The following ADAM23 variants were observed in gnomAD, a reference collection of about 807,000 sequenced individuals.
ADAM23 encodes ADAM metallopeptidase domain 23.
In ADAM23, 33 loss-of-function variants were observed where a neutral mutation model predicts 120.1. The observed-to-expected ratio is 0.27, with a 90% CI of 0.21 to 0.37. The LOEUF (loss-of-function observed/expected upper bound fraction) is 0.37, where lower values mean the gene tolerates loss of function less well. ADAM23 is among the 10% of genes least tolerant of loss of function. The pLI, the probability that ADAM23 is intolerant of heterozygous loss-of-function variation, is 1.00. For missense variants in ADAM23, 862 were observed against 1,058.2 expected (o/e 0.81, Z 2.57); for synonymous variants, 367 against 375.2 (o/e 0.98, Z 0.25).
At position 206,500,215 on chromosome 2, in the gene ADAM23, G is replaced by C. The variant is rs545397630; in HGVS notation, c.509+18907G>C. 1.6e-4 allele frequency among the ~76,000 whole-genome samples: 24 copies of C among 151,762 alleles called. No individual in the cohort carries two copies. The South Asian group carries it at 4.6e-3, about 29-fold the overall frequency. ...TGATCTCGTACTCATTGTTGCATTA[G>C]ATCTATTGTCATGGTAGCCACACCA... On this transcript the variant is annotated intron_variant, in intron 3 of 25. Transcript: ENST00000264377.
chr2:206,593,165 A>G (rs1698459005), intron 22 of ADAM23, among the ~76,000 whole-genome samples: 2 of 152,306 alleles, frequency 1.3e-5, no homozygotes, highest in South Asian at 2.1e-4. Flanking sequence ...ATACCTAATC[A>G]TATATAGAAA....
At chr2:206,584,721 C>T (rs1243268249) in intron 18 of ADAM23, among the ~76,000 whole-genome samples, 1 of 152,190 alleles carries the variant, frequency 6.6e-6, no homozygotes, top group Non-Finnish European at 1.5e-5. Flanking sequence ...AGTCTGCACA[C>T]CCGATTGGTG....
intron 2 of ADAM23, among the ~76,000 whole-genome samples, chr2:206,468,233 G>A (rs770860951): frequency 3.3e-4 from 50 of 152,030 alleles, no homozygotes; most frequent in African/African-American, 1.1e-3. Flanking sequence ...TGGGCTTTTC[G>A]TTTTTCACCA....
intron 3 of ADAM23, among the ~76,000 whole-genome samples, chr2:206,497,892 T>C (rs1373775008): frequency 5.9e-5 from 9 of 152,076 alleles, no homozygotes. Context: ...ATGAGTGAAC[T>C]CCCATTCACA....
intron 1 of ADAM23, among the ~76,000 whole-genome samples, chr2:206,444,812 T>C (rs1000596442): frequency 1.3e-5 from 2 of 152,088 alleles, no homozygotes; most frequent in Middle Eastern, 6.3e-3. Flanking sequence ...GTTAAAAGAG[T>C]CGATTAATAT....
intron 23 of ADAM23, 124 bp downstream of exon 23, chr2:206,595,029 A>G: frequency 3.9e-6 from 5 of 1,284,856 alleles, no homozygotes; most frequent in Non-Finnish European, 5.3e-6. Context: ...AAAAATGCAA[A>G]AAATAGCTGG....
At chr2:206,517,269 T>C (rs1330620232) in intron 3 of ADAM23, among the ~76,000 whole-genome samples, 1 of 152,166 alleles carries the variant, frequency 6.6e-6, no homozygotes, top group East Asian at 1.9e-4. Flanking sequence ...CTGCAAAAGA[T>C]AGAGACAGAA....
intron 18 of ADAM23, among the ~76,000 whole-genome samples, chr2:206,586,226 G>A (rs765915770): frequency 5.3e-5 from 8 of 152,126 alleles, no homozygotes; most frequent in East Asian, 1.9e-4. Flanking sequence ...ACAGAAGATC[G>A]ATGTGATTTG....
intron 18 of ADAM23, among the ~76,000 whole-genome samples, chr2:206,578,019 A>G (rs1297802926): frequency 1.3e-5 from 2 of 152,024 alleles, no homozygotes; most frequent in East Asian, 1.9e-4. Flanking sequence ...GCCAGTGATG[A>G]TGAGCATTTT....
intron 24 of ADAM23, among the ~76,000 whole-genome samples, chr2:206,602,249 C>T (rs529410050): frequency 2.0e-5 from 3 of 152,180 alleles, no homozygotes; most frequent in African/African-American, 7.2e-5. Flanking sequence ...TATTTTGTTT[C>T]AGTTCAGAAA....
rs1407576751 is a variant in ADAM23, at chr2:206,443,965, G to T, written c.99G>T (p.Val33=). 3 of 1,336,432 alleles carry T rather than the reference G, an allele frequency of 2.2e-6. No homozygotes were observed. The highest frequency in any genetic ancestry group is 2.9e-6 in the Non-Finnish European group (3 of 1,042,314). The allele number at this position is 1,336,432 out of a possible 1,614,324, so 82.8% of individuals were successfully genotyped here. A position where few individuals can be genotyped will look rare whatever the true frequency, so the allele number is the denominator to read the frequency against. ...CCCAACGCGGCCCCGCCGGCTCGGT[G>T]CCTGCCAGCGCCCCGGCCCGCACGC... The part of the protein sequence containing the change: ...CGPQRGPAGS[V]PASAPARTPP... The change falls in exon 1 of 26, where the codon GTG becomes GTT. Residue 33 remains valine (V), a synonymous_variant. Coordinates refer to ENST00000264377, the MANE Select transcript of ADAM23 (RefSeq NM_003812.4).
Position 206,570,773 on chromosome 2 carries a change from G to C in ADAM23, c.1528G>C (p.Val510Leu). ...GCCCACGGAATGTGGAAATGGATACGTGGAAGCTGGGGAGGAGTGTGATTG... is the reference window on the plus strand; with the variant it reads ...GCCCACGGAATGTGGAAATGGATACCTGGAAGCTGGGGAGGAGTGTGATTG... ...FEPTECGNGY[V>L]EAGEECDCGF... is the part of the protein sequence containing the mutation. The change falls in exon 16 of 26, where the codon GTG becomes CTG. Residue 510 changes from valine to leucine, a missense_variant. Val to Leu is a conservative substitution (Grantham distance 32). Transcript: ENST00000264377. 1 of 1,613,880 alleles carries C rather than the reference G, an allele frequency of 6.2e-7. No homozygotes were observed. The highest frequency in any genetic ancestry group is 8.5e-7 in the Non-Finnish European group (1 of 1,179,814).
chr2:206,587,240 A>G, intron 18 of ADAM23, 85 bp from the exon 19 acceptor site: 1 of 935,670 alleles, frequency 1.1e-6, no homozygotes, highest in Non-Finnish European at 1.6e-6. Flanking sequence ...ATATATATCC[A>G]CCATGCTTGC....
chr2:206,470,249 A>G (rs1332213617), intron 2 of ADAM23, among the ~76,000 whole-genome samples: 1 of 152,136 alleles, frequency 6.6e-6, no homozygotes, highest in Non-Finnish European at 1.5e-5. Context: ...CATAATAGAC[A>G]TATTCTATTT....
rs1327378374 is a variant in ADAM23 at position 206,618,974 on chromosome 2, A to G, written c.*1347A>G. 6.6e-6 allele frequency: 1 copy of G among 152,188 alleles called. No homozygotes were observed. The highest frequency in any genetic ancestry group is 1.9e-4 in the East Asian group (1 of 5,198). 9.4% of individuals were successfully genotyped at this position (152,188 alleles called of 1,614,324 possible). A position where few individuals can be genotyped will look rare whatever the true frequency, so the allele number is the denominator to read the frequency against. On this transcript the variant is annotated 3_prime_UTR_variant, in exon 26 of 26. Transcript: ENST00000264377. ...AATAAAAAAATTTTTTTAAATGTTA[A>G]AAGCTTGGAAAAAATTAAGCTTTCC...
chr2:206,544,329 G>T lies in ADAM23; in HGVS notation c.720+1013G>T, dbSNP rs1336564668. The stretch of plus-strand genomic sequence containing the variant: ...ATGCACAAACCAGTGATTTAGACAA[G>T]AAATCACATGCTCTAATAGTGTTGC... On this transcript the variant is annotated intron_variant, in intron 6 of 25. Transcript: ENST00000264377. Among the ~76,000 whole-genome samples the T allele has an allele frequency of 3.3e-5, 5 of 152,140 alleles. No individual in the cohort carries two copies. In the East Asian group the frequency reaches 9.6e-4, roughly 29 times the overall value.
At chr2:206,599,756 G>C (rs1698600733) in intron 24 of ADAM23, among the ~76,000 whole-genome samples, 1 of 152,218 alleles carries the variant, frequency 6.6e-6, no homozygotes, top group Non-Finnish European at 1.5e-5. Context: ...ATGAGATGGT[G>C]CATGCTAGTG....
chr2:206,586,797 A>G (rs963101639), intron 18 of ADAM23, among the ~76,000 whole-genome samples: 1 of 152,228 alleles, frequency 6.6e-6, no homozygotes, highest in Non-Finnish European at 1.5e-5. Flanking sequence ...TGTTCTAGTA[A>G]CATGTCTGCA....
rs1267653712 is a variant in ADAM23, at chr2:206,567,337, A to G, written c.1494+15A>G. The G allele has an allele frequency of 1.9e-6, 3 of 1,582,230 alleles. No homozygotes were observed. The highest frequency in any genetic ancestry group is 2.7e-5 in the African/African-American group (2 of 74,134). ...GGCCAACAAAGGTTAGTAACTTAGAAAGCATACTAAGAAAGTATATTATTT... is the reference window on the plus strand; with the variant it reads ...GGCCAACAAAGGTTAGTAACTTAGAGAGCATACTAAGAAAGTATATTATTT... On this transcript the variant is annotated intron_variant, in intron 15 of 25. Coordinates refer to ENST00000264377, the MANE Select transcript of ADAM23 (RefSeq NM_003812.4).
Sources: allele counts gnomAD v4.1 joint callset (sites outside exome capture counted in the v4.1 genomes callset), GRCh38; gene constraint gnomAD v4.1.1; transcripts MANE v1.5; gene names NCBI Gene and HGNC (gene_info 2026-07-23, HGNC 2026-07-21).